CBFA2T2: variants seen among roughly 807,000 people sequenced by gnomAD.
CBFA2T2 encodes the protein protein CBFA2T2.
Under a neutral mutation model 62.2 loss-of-function variants are expected in CBFA2T2, and 11 were observed. The observed-to-expected ratio is 0.18, with a 90% confidence interval of 0.11 to 0.29. The LOEUF (loss-of-function observed/expected upper bound fraction) is 0.29. Among genes scored for constraint, CBFA2T2 ranks in the 10% least tolerant of loss-of-function variants. CBFA2T2 has a pLI of 1.00. For synonymous variants in CBFA2T2, 295 were observed against 287.5 expected, an observed-to-expected ratio of 1.03 and a Z score of -0.27; for missense variants, 592 against 774.1, an observed-to-expected ratio of 0.76 and a Z score of 2.79.
At chr20:33,554,707 A>C (rs2012845274) in intron 1 of CBFA2T2, among the ~76,000 whole-genome samples, 1 of 138,766 alleles carries the variant, frequency 7.2e-6, no homozygotes, top group Admixed American at 8.0e-5. Flanking sequence ...TACAGGTGTG[A>C]GCCACTGCGC....
intron 1 of CBFA2T2, among the ~76,000 whole-genome samples, chr20:33,584,068 C>T (rs1210073329): frequency 6.6e-6 from 1 of 152,054 alleles, no homozygotes; most frequent in African/African-American, 2.4e-5. Flanking sequence ...CTTCCTCAGC[C>T]TCCTGAGTAG....
intron 1 of CBFA2T2, among the ~76,000 whole-genome samples, chr20:33,553,451 C>T (rs983098277): frequency 1.3e-5 from 2 of 152,186 alleles, no homozygotes; most frequent in Admixed American, 6.5e-5. Context: ...AGGCTGGTCT[C>T]GAACTCCTGA....
intron 1 of CBFA2T2, among the ~76,000 whole-genome samples, chr20:33,599,007 T>C (rs1873796701): frequency 6.6e-6 from 1 of 151,000 alleles, no homozygotes; most frequent in African/African-American, 2.4e-5. Flanking sequence ...ACGCCTGTAA[T>C]CCCAGCACTT....
chr20:33,583,681 G>C (rs2014218672), intron 1 of CBFA2T2, among the ~76,000 whole-genome samples: 1 of 152,160 alleles, frequency 6.6e-6, no homozygotes. Flanking sequence ...AAGTCTACCA[G>C]CACTGCATTT....
chr20:33,546,338 CT>C (rs1368363331), intron 1 of CBFA2T2, among the ~76,000 whole-genome samples: 4 of 150,302 alleles, frequency 2.7e-5, no homozygotes, highest in African/African-American at 7.3e-5. Context: ...TATAAATTTT[CT>C]TTTTGTTTAT....
chr20:33,491,527 G>A (rs530124212), intron 1 of CBFA2T2, among the ~76,000 whole-genome samples: 1 of 151,990 alleles, frequency 6.6e-6, no homozygotes, highest in African/African-American at 2.4e-5. Flanking sequence ...GAGGCTTTAC[G>A]CTTCTTTTTT....
chr20:33,612,247 G>GTTTTA (rs2122301662), intron 3 of CBFA2T2, among the ~76,000 whole-genome samples: 1 of 152,308 alleles, frequency 6.6e-6, no homozygotes, highest in South Asian at 2.1e-4. Context: ...CCTGGGTGGG[G>GTTTTA]TTTTATTCTC....
chr20:33,551,037 T>C (rs528088981), intron 1 of CBFA2T2, among the ~76,000 whole-genome samples: 78 of 152,246 alleles, frequency 5.1e-4, no homozygotes, highest in African/African-American at 1.3e-3. Flanking sequence ...GCCATAAGTC[T>C]TTAAGTATGG....
At chr20:33,623,016 G>T in intron 4 of CBFA2T2, 99 bp from the exon 5 acceptor site, 1 of 1,111,868 alleles carries the variant, frequency 9.0e-7, no homozygotes, top group Admixed American at 2.4e-5. Flanking sequence ...AGGAGAGAAA[G>T]GCTTTTATCT....
At chr20:33,623,324 C>T (rs769979005) in intron 5 of CBFA2T2, 28 bp downstream of exon 5, 2 of 1,612,844 alleles carry the variant, frequency 1.2e-6, no homozygotes, top group Non-Finnish European at 8.5e-7. Flanking sequence ...GCTGTCCTTG[C>T]CTTCCTGGAA....
intron 1 of CBFA2T2, among the ~76,000 whole-genome samples, chr20:33,550,103 A>G (rs1014412361): frequency 1.3e-5 from 2 of 152,200 alleles, no homozygotes; most frequent in Non-Finnish European, 2.9e-5. Context: ...ATAACTTAAC[A>G]AATGTAATAA....
chr20:33,572,346 GTAGA>G (rs1206545588), intron 1 of CBFA2T2, among the ~76,000 whole-genome samples: 2 of 152,120 alleles, frequency 1.3e-5, no homozygotes, highest in Non-Finnish European at 2.9e-5. Flanking sequence ...AAAAATATAG[GTAGA>G]TAGAGAAAAA....
chr20:33,629,858 G>A lies in CBFA2T2; in HGVS notation c.1172G>A (p.Gly391Glu), dbSNP rs201457133. 30 of 1,614,094 alleles carry A rather than the reference G, an allele frequency of 1.9e-5. No individual in the cohort carries two copies. In the East Asian group the frequency reaches 6.7e-4, roughly 36 times the overall value. Residue 391 changes from glycine to glutamate, a missense_variant, in exon 8 of 11, where the codon GGG becomes GAG. Gly to Glu is a moderately conservative substitution (Grantham distance 98). Transcript: ENST00000342704. ...GAAAACACAGAGCTGAGGAAAACGG[G>A]GACCGAGTTGGTCTCCAGGCAGCAC... is the stretch of plus-strand genomic sequence containing the variant. The part of the protein sequence containing the change: ...YNENTELRKT[G>E]TELVSRQHSP...
intron 1 of CBFA2T2, among the ~76,000 whole-genome samples, chr20:33,575,538 G>T (rs772103471): frequency 3.7e-4 from 57 of 152,146 alleles, no homozygotes; most frequent in Non-Finnish European, 6.9e-4. Context: ...AAAAGATATA[G>T]AAACCTTTCT....
chr20:33,542,904 C>A (rs1288629502), intron 1 of CBFA2T2, among the ~76,000 whole-genome samples: 2 of 152,140 alleles, frequency 1.3e-5, no homozygotes, highest in African/African-American at 2.4e-5. Flanking sequence ...TGGACTCAAA[C>A]AATCTGCCTG....
chr20:33,564,912 GTTTTC>G (rs566454470), intron 1 of CBFA2T2, among the ~76,000 whole-genome samples: 50 of 151,918 alleles, frequency 3.3e-4, no homozygotes, highest in South Asian at 3.1e-3. Context: ...CTTTTCCCAA[GTTTTC>G]TTTTCTTTTC....
chr20:33,490,389 C>T, intron 1 of CBFA2T2, 88 bp downstream of exon 1: 1 of 1,182,934 alleles, frequency 8.5e-7, no homozygotes, highest in Non-Finnish European at 1.1e-6. Flanking sequence ...GCCCCGGGCG[C>T]GAGGCCGGGA....
At chr20:33,562,480 C>T (rs763963616) in intron 1 of CBFA2T2, 2 of 985,858 alleles carry the variant, frequency 2.0e-6, no homozygotes, top group Non-Finnish European at 2.4e-6. Flanking sequence ...TGGAATGGGA[C>T]AGGCAGCTCT....
At chr20:33,539,634 C>G (rs1252883266) in intron 1 of CBFA2T2, among the ~76,000 whole-genome samples, 1 of 151,382 alleles carries the variant, frequency 6.6e-6, no homozygotes, top group Non-Finnish European at 1.5e-5. Context: ...GGAAGCAGTG[C>G]ATCAAAATAC....
Sources: gnomAD v4.1 joint callset for allele counts (sites outside exome capture counted in the v4.1 genomes callset) on GRCh38, gnomAD v4.1.1 for gene constraint, MANE v1.5 for transcripts, NCBI Gene and HGNC (gene_info 2026-07-23, HGNC 2026-07-21) for gene names.